Variants in CEP57 observed in about 807,000 individuals in gnomAD.
The protein encoded by CEP57 is centrosomal protein 57.
Under a neutral mutation model 68.0 loss-of-function variants are expected in CEP57, and 40 were observed. The observed-to-expected ratio is 0.59, with a 90% confidence interval of 0.46 to 0.77. The LOEUF is 0.77. CEP57 is among the 30% of genes least tolerant of loss of function. CEP57 has a pLI of 0.00. For missense variants in CEP57, 606 were observed against 580.7 expected (o/e 1.04, Z -0.45); for synonymous variants, 219 against 198.7 (o/e 1.10, Z -0.86).
At chr11:95,799,819 G>C (rs1861497532) in intron 2 of CEP57, among the ~76,000 whole-genome samples, 1 of 152,018 alleles carries the variant, frequency 6.6e-6, no homozygotes, top group Admixed American at 6.6e-5. Context: ...CAACATTTCT[G>C]TCATTTGTCA....
intron 2 of CEP57, among the ~76,000 whole-genome samples, chr11:95,802,531 G>A (rs1371077295): frequency 6.6e-6 from 1 of 152,158 alleles, no homozygotes; most frequent in Non-Finnish European, 1.5e-5. Context: ...GGGATTACAG[G>A]TGTGAGCCAC....
At chr11:95,794,571 T>C (rs1861254250) in intron 1 of CEP57, among the ~76,000 whole-genome samples, 1 of 150,988 alleles carries the variant, frequency 6.6e-6, no homozygotes, top group African/African-American at 2.4e-5. Flanking sequence ...CCTTTACTAG[T>C]GTGTGTGTGT....
rs1862176821 is a variant in CEP57 at position 95,813,674 on chromosome 11, G to T, written c.504+85G>T. ...TAAAGACTTTTTTTCTTTCGGTGAG[G>T]ATTAATGGTGCTGTTACAGCCCAGG... On this transcript the variant is annotated intron_variant, in intron 4 of 10. Coordinates refer to ENST00000325542, the MANE Select transcript of CEP57 (RefSeq NM_014679.5). 3.9e-6 allele frequency: 6 copies of T among 1,520,130 alleles called. No individual in the cohort carries two copies. In the South Asian group the frequency reaches 5.7e-5, roughly 14 times the overall value. The allele number at this position is 1,520,130 out of a possible 1,614,324, so 94.2% of individuals were successfully genotyped here.
intron 1 of CEP57, among the ~76,000 whole-genome samples, chr11:95,793,810 A>G (rs1379208730): frequency 6.6e-6 from 1 of 152,202 alleles, no homozygotes; most frequent in Non-Finnish European, 1.5e-5. Flanking sequence ...TTTGGATTTA[A>G]TGGGTTTTGC....
chr11:95,804,122 C>T (rs1373190150), intron 2 of CEP57, among the ~76,000 whole-genome samples: 4 of 151,938 alleles, frequency 2.6e-5, no homozygotes, highest in Non-Finnish European at 5.9e-5. Flanking sequence ...ACTCAAAAGC[C>T]AATATATGCT....
At chr11:95,822,636 G>A (rs1862564104) in intron 8 of CEP57, 60 bp downstream of exon 8, 4 of 1,253,486 alleles carry the variant, frequency 3.2e-6, no homozygotes, top group Non-Finnish European at 4.7e-6. Flanking sequence ...TTAAGTCCCT[G>A]CATCTGCAAG....
intron 8 of CEP57, chr11:95,825,967 T>C (rs1034535721): frequency 1.3e-5 from 2 of 152,116 alleles, no homozygotes; most frequent in Non-Finnish European, 2.9e-5. Context: ...TCACTGAAAC[T>C]AAAACAAATG....
intron 2 of CEP57, among the ~76,000 whole-genome samples, chr11:95,806,110 A>G (rs183131912): frequency 4.0e-4 from 61 of 152,358 alleles, no homozygotes; most frequent in African/African-American, 1.4e-3. Flanking sequence ...CCACAAAGCC[A>G]GCTTGCTTTT....
In CEP57 at chr11:95,823,359, C is replaced by G. The variant is rs539212967; in HGVS notation, c.885+783C>G. The stretch of plus-strand genomic sequence containing the variant: ...TGAGTCCGAACTCTGTGTGGGTCTA[C>G]TTACAGGCAGATTTTTTTTTTCAAT... On this transcript the variant is annotated intron_variant, in intron 8 of 10. Transcript: ENST00000325542. 6 of 152,048 alleles carry G rather than the reference C, an allele frequency of 3.9e-5. No homozygotes were observed. The East Asian group carries it at 1.2e-3, about 29-fold the overall frequency. 9.4% of individuals were successfully genotyped at this position (152,048 alleles called of 1,614,324 possible). A position where few individuals can be genotyped will look rare whatever the true frequency, so the allele number is the denominator to read the frequency against.
In CEP57 at chr11:95,790,637, G is replaced by C. The variant is rs2135219027; in HGVS notation, c.-62G>C. On this transcript the variant is annotated 5_prime_UTR_variant, in exon 1 of 11. Transcript: ENST00000325542. ...GCTGGTGGGCGGCTCCCGAGTCTTG[G>C]AGAAGAGCACGAGAACCTAGACCGC... The C allele has an allele frequency of 1.3e-6, 2 of 1,591,312 alleles. No homozygotes were observed. The highest frequency in any genetic ancestry group is 8.6e-7 in the Non-Finnish European group (1 of 1,166,866).
chr11:95,805,397 T>C (rs1406902282), intron 2 of CEP57, among the ~76,000 whole-genome samples: 1 of 152,236 alleles, frequency 6.6e-6, no homozygotes, highest in East Asian at 1.9e-4. Context: ...GTCTGTTTCA[T>C]GTCTGCATTT....
At chr11:95,796,841 A>G (rs1384303916) in intron 1 of CEP57, among the ~76,000 whole-genome samples, 1 of 152,186 alleles carries the variant, frequency 6.6e-6, no homozygotes, top group East Asian at 1.9e-4. Flanking sequence ...AACGGCTCAC[A>G]GTACTCAGGA....
Position 95,831,475 on chromosome 11 carries a change from C to T in CEP57, c.*219C>T. On this transcript the variant is annotated 3_prime_UTR_variant, in exon 11 of 11. Coordinates refer to ENST00000325542, the MANE Select transcript of CEP57 (RefSeq NM_014679.5). ...AGGGGAGTTTTAAAGCCCGAGAAAC[C>T]ACACATAATCTTTTGTTGAGATGAG... 2.3e-6 allele frequency: 1 copy of T among 443,328 alleles called. No homozygotes were observed. Among genetic ancestry groups the T allele is most frequent in the Non-Finnish European group, 4.1e-6 (1 of 245,524 alleles). The allele number at this position is 443,328 out of a possible 1,614,324, so 27.5% of individuals were successfully genotyped here. A position where few individuals can be genotyped will look rare whatever the true frequency, so the allele number is the denominator to read the frequency against.
At chr11:95,798,427 T>A (rs1861436464) in intron 1 of CEP57, among the ~76,000 whole-genome samples, 1 of 152,244 alleles carries the variant, frequency 6.6e-6, no homozygotes, top group Admixed American at 6.5e-5. Flanking sequence ...TAAATGTAAA[T>A]CTTCAAAGGT....
chr11:95,820,072 C>G (rs115544801), intron 6 of CEP57, among the ~76,000 whole-genome samples: 1 of 152,116 alleles, frequency 6.6e-6, no homozygotes, highest in African/African-American at 2.4e-5. Flanking sequence ...TTATTATATG[C>G]ATTGTGGTGT....
At chr11:95,811,590 A>C (rs1479719117) in intron 2 of CEP57, among the ~76,000 whole-genome samples, 24 of 152,152 alleles carry the variant, frequency 1.6e-4, no homozygotes, top group East Asian at 3.9e-4. Flanking sequence ...TAAAAAAAAA[A>C]AAAACGTGAT....
chr11:95,815,285 A>T (rs1339798810), intron 4 of CEP57: 1 of 152,176 alleles, frequency 6.6e-6, no homozygotes, highest in African/African-American at 2.4e-5. Context: ...CTTGTGTGTG[A>T]TAGGTCTCTT....
Position 95,817,812 on chromosome 11 carries a change from A to G in CEP57, c.530A>G (p.His177Arg). ...KQVSLERERQ[H>R]DQTHVQSQLE... ...GTTTCCCTAGAAAGAGAACGACAAC[A>G]TGATCAAACACATGTTCAGAGCCAA... is the stretch of plus-strand genomic sequence containing the variant. The change falls in exon 5 of 11, where the codon CAT (histidine) becomes CGT (arginine). Residue 177 changes from histidine (H) to arginine (R), a missense_variant. Physicochemically the swap from His to Arg is conservative, Grantham distance 29 (BLOSUM62 0). Coordinates refer to ENST00000325542, the MANE Select transcript of CEP57 (RefSeq NM_014679.5). 6.2e-7 allele frequency: 1 copy of G among 1,613,800 alleles called. No individual in the cohort carries two copies. Among genetic ancestry groups the G allele is most frequent in the Non-Finnish European group, 8.5e-7 (1 of 1,179,738 alleles).
chr11:95,825,366 T>C (rs376248733), intron 8 of CEP57, among the ~76,000 whole-genome samples: 46 of 152,152 alleles, frequency 3.0e-4, no homozygotes, highest in African/African-American at 1.1e-3. Context: ...ATGGTAGATA[T>C]GGCAAAAAAG....
Sources: gnomAD v4.1 joint callset for allele counts (sites outside exome capture counted in the v4.1 genomes callset) on GRCh38, gnomAD v4.1.1 for gene constraint, MANE v1.5 for transcripts, NCBI Gene and HGNC (gene_info 2026-07-23, HGNC 2026-07-21) for gene names.